Variants in ZDHHC14 observed in about 807,000 individuals in gnomAD.
ZDHHC14 encodes palmitoyltransferase ZDHHC14.
Under a neutral mutation model 47.7 loss-of-function variants are expected in ZDHHC14, and 16 were observed. The observed-to-expected ratio is 0.34, with a 90% CI of 0.23 to 0.51. ZDHHC14 has a LOEUF of 0.51. Ranked by LOEUF, ZDHHC14 falls within the 20% of genes least tolerant of loss-of-function variation. The pLI is 0.97. For synonymous variants in ZDHHC14, 293 were observed against 278.9 expected (o/e 1.05, Z -0.50); for missense variants, 515 against 662.5 (o/e 0.78, Z 2.44).
rs544261520 is a variant in ZDHHC14, at chr6:157,423,202, G to C, written c.245+40936G>C. On this transcript the variant is annotated intron_variant, in intron 1 of 8. Coordinates refer to ENST00000359775, the MANE Select transcript of ZDHHC14 (RefSeq NM_024630.3). Reference sequence around the variant, plus strand: ...TCTACTGACTTTTCATGTGACTTTAGGCCTTAATTTTCCCACCTCAAAAAT... The same window carrying C: ...TCTACTGACTTTTCATGTGACTTTACGCCTTAATTTTCCCACCTCAAAAAT... 4.6e-5 allele frequency among the ~76,000 whole-genome samples: 7 copies of C among 152,258 alleles called. No homozygotes were observed. In the South Asian group the frequency reaches 1.5e-3, roughly 32 times the overall value.
chr6:157,383,931 C>T (rs1777263665), intron 1 of ZDHHC14, among the ~76,000 whole-genome samples: 1 of 152,198 alleles, frequency 6.6e-6, no homozygotes, highest in Non-Finnish European at 1.5e-5. Flanking sequence ...GAAGAAGGGG[C>T]ATAGAGGTTC....
At chr6:157,632,244 A>G (rs898166882) in intron 4 of ZDHHC14, 7 of 153,548 alleles carry the variant, frequency 4.6e-5, no homozygotes, top group Non-Finnish European at 8.7e-5. Context: ...CTCCATTTTT[A>G]TTTTTAAAAG....
At chr6:157,434,188 C>CT (rs201013159) in intron 1 of ZDHHC14, among the ~76,000 whole-genome samples, 2 of 149,740 alleles carry the variant, frequency 1.3e-5, no homozygotes, top group Non-Finnish European at 3.0e-5. Flanking sequence ...TTGCTGATGA[C>CT]TTTTTTTAGA....
chr6:157,666,080 G>A (rs934796446), intron 8 of ZDHHC14, among the ~76,000 whole-genome samples: 1 of 152,142 alleles, frequency 6.6e-6, no homozygotes, highest in African/African-American at 2.4e-5. Context: ...ACATACTCAC[G>A]ACATCCAGTT....
intron 2 of ZDHHC14, among the ~76,000 whole-genome samples, chr6:157,575,153 A>G (rs1185309146): frequency 1.3e-5 from 2 of 152,214 alleles, no homozygotes; most frequent in African/African-American, 2.4e-5. Flanking sequence ...TGAAGTCTTG[A>G]GAATTTCTTC....
chr6:157,661,544 A>G (rs1482522811), intron 8 of ZDHHC14, among the ~76,000 whole-genome samples: 1 of 152,214 alleles, frequency 6.6e-6, no homozygotes, highest in Non-Finnish European at 1.5e-5. Flanking sequence ...CTGAAAGATG[A>G]TGGAAGGAAA....
In ZDHHC14 at chr6:157,617,599, A is replaced by T. The variant is rs552125756; in HGVS notation, c.566-10750A>T. ...AATACAACTTTCTCACCATGTATACATGTAGTCAGAAGGTTTTGAAGAGCC... is the reference window on the plus strand; with the variant it reads ...AATACAACTTTCTCACCATGTATACTTGTAGTCAGAAGGTTTTGAAGAGCC... On this transcript the variant is annotated intron_variant, in intron 3 of 8. Coordinates refer to ENST00000359775, the MANE Select transcript of ZDHHC14 (RefSeq NM_024630.3). Among the ~76,000 whole-genome samples, 3 of 152,312 alleles carry T rather than the reference A, an allele frequency of 2.0e-5. No homozygotes were observed. The East Asian group carries it at 5.8e-4, about 29-fold the overall frequency.
chr6:157,472,330 C>T (rs796120397), intron 1 of ZDHHC14, among the ~76,000 whole-genome samples: 48 of 152,138 alleles, frequency 3.2e-4, no homozygotes, highest in South Asian at 1.9e-3. Context: ...GAGCCGTGCA[C>T]TCGCTGGATA....
chr6:157,538,198 G>C (rs1250419136), intron 1 of ZDHHC14, among the ~76,000 whole-genome samples: 3 of 152,210 alleles, frequency 2.0e-5, no homozygotes, highest in African/African-American at 7.2e-5. Flanking sequence ...AACATATGGT[G>C]CTGCATCTAC....
rs746816967 is a variant in ZDHHC14 at position 157,497,077 on chromosome 6, C to T, written c.246-45508C>T. Among the ~76,000 whole-genome samples the T allele has an allele frequency of 7.9e-5, 12 of 152,068 alleles. No individual in the cohort carries two copies. In the East Asian group the frequency reaches 1.7e-3, roughly 22 times the overall value. On this transcript the variant is annotated intron_variant, in intron 1 of 8. Transcript: ENST00000359775. ...CGGGACTACAGTCCAGGGGTCTGCT[C>T]GGAGTAGCATTGGATAAGGGAGGAA...
intron 2 of ZDHHC14, among the ~76,000 whole-genome samples, chr6:157,578,808 T>G (rs1326714337): frequency 6.6e-6 from 1 of 152,224 alleles, no homozygotes; most frequent in Non-Finnish European, 1.5e-5. Flanking sequence ...CCACCATGAT[T>G]GTAAATTTCC....
chr6:157,516,696 G>A (rs954197467), intron 1 of ZDHHC14, among the ~76,000 whole-genome samples: 2 of 152,198 alleles, frequency 1.3e-5, no homozygotes, highest in Non-Finnish European at 2.9e-5. Flanking sequence ...AATCCAAGGA[G>A]AAAGAAGGTC....
At chr6:157,591,231 T>C (rs1288944372) in intron 2 of ZDHHC14, among the ~76,000 whole-genome samples, 2 of 152,186 alleles carry the variant, frequency 1.3e-5, no homozygotes, top group Non-Finnish European at 2.9e-5. Context: ...GATTGTGTTT[T>C]AAAATGTGAG....
chr6:157,550,471 T>C (rs575539133), intron 2 of ZDHHC14, among the ~76,000 whole-genome samples: 1 of 151,750 alleles, frequency 6.6e-6, no homozygotes, highest in South Asian at 2.1e-4. Flanking sequence ...ACAGGCACTC[T>C]AGAGAGACCA....
chr6:157,593,908 C>T (rs912989775), intron 3 of ZDHHC14, among the ~76,000 whole-genome samples: 22 of 152,234 alleles, frequency 1.4e-4, no homozygotes, highest in African/African-American at 5.1e-4. Flanking sequence ...TGGCAGAACA[C>T]CCAAGTGACA....
intron 1 of ZDHHC14, among the ~76,000 whole-genome samples, chr6:157,445,773 C>CAG (rs1023825826): frequency 6.8e-4 from 102 of 150,150 alleles, no homozygotes; most frequent in Non-Finnish European, 1.1e-3. Flanking sequence ...TGGAAAAAGC[C>CAG]AGAGAGAGAG....
At chr6:157,504,189 T>C (rs940758566) in intron 1 of ZDHHC14, among the ~76,000 whole-genome samples, 17 of 79,154 alleles carry the variant, frequency 2.1e-4, no homozygotes, top group Non-Finnish European at 3.8e-4. Flanking sequence ...TGGGCATATA[T>C]ATATTTTTTT....
chr6:157,387,418 T>C (rs1777336059), intron 1 of ZDHHC14, among the ~76,000 whole-genome samples: 1 of 152,200 alleles, frequency 6.6e-6, no homozygotes, highest in Non-Finnish European at 1.5e-5. Context: ...CCCCATATTT[T>C]CTTACCACCC....
chr6:157,578,003 A>T (rs898602599), intron 2 of ZDHHC14, among the ~76,000 whole-genome samples: 1 of 151,918 alleles, frequency 6.6e-6, no homozygotes, highest in Non-Finnish European at 1.5e-5. Flanking sequence ...TCTTTTGAAA[A>T]GTGTCTGTTC....
Sources: gnomAD v4.1 joint callset for allele counts (sites outside exome capture counted in the v4.1 genomes callset) on GRCh38, gnomAD v4.1.1 for gene constraint, MANE v1.5 for transcripts, NCBI Gene and HGNC (gene_info 2026-07-23, HGNC 2026-07-21) for gene names.